Variants in WFDC6 observed in about 807,000 individuals in gnomAD.
The protein encoded by WFDC6 is WAP four-disulfide core domain protein 6.
A neutral mutation model predicts 8.2 loss-of-function variants in WFDC6; 10 were observed. The ratio of observed to expected loss-of-function variants is 1.22; its 90% CI spans 0.75 to 2.07. The LOEUF (loss-of-function observed/expected upper bound fraction) is 2.07, where lower values mean the gene tolerates loss of function less well. WFDC6 is among the 30% of genes most tolerant of loss of function. The pLI is 0.00. For missense variants in WFDC6, 105 were observed against 104.9 expected (o/e 1.00, Z 0.00); for synonymous variants, 28 against 37.0 (o/e 0.76, Z 0.88).
intron 2 of WFDC6, chr20:45,535,404 G>A: frequency 8.2e-7 from 1 of 1,212,754 alleles, no homozygotes. Context: ...CCCTTCTCTG[G>A]CCACCATTCC....
intron 2 of WFDC6, chr20:45,535,396 CTTCTCTG>C: frequency 2.5e-6 from 3 of 1,221,254 alleles, no homozygotes; most frequent in Admixed American, 6.3e-5. Flanking sequence ...CATCTCTCCC[CTTCTCTG>C]GCCACCATTC....
Position 45,539,397 on chromosome 20 carries a change from G to A in WFDC6, c.11C>T (p.Ser4Leu). The A allele has an allele frequency of 1.9e-6, 3 of 1,613,798 alleles. No homozygotes were observed. Among genetic ancestry groups the A allele is most frequent in the Non-Finnish European group, 2.5e-6 (3 of 1,179,790 alleles). The change falls in exon 1 of 3, where the codon TCA becomes TTA. Residue 4 changes from serine (S) to leucine (L), a missense_variant. Ser to Leu is a moderately radical substitution (Grantham distance 145). Transcript: ENST00000372670. MGL[S>L]GLLPILVPFI... ...TGGTACCAGGATTGGCAGAAGTCCT[G>A]AGAGTCCCATTTTAGGAAGTACTGG...
chr20:45,539,416 G>T lies in WFDC6; in HGVS notation c.-9C>A. 6.2e-7 allele frequency: 1 copy of T among 1,613,130 alleles called. No individual in the cohort carries two copies. On this transcript the variant is annotated 5_prime_UTR_variant, in exon 1 of 3. Transcript: ENST00000372670. The stretch of plus-strand genomic sequence containing the variant: ...AGTCCTGAGAGTCCCATTTTAGGAA[G>T]TACTGGCCTGGTTGATGGCACCAAA...
chr20:45,537,031 T>G (rs1181060953), intron 2 of WFDC6: 3 of 161,658 alleles, frequency 1.9e-5, no homozygotes, highest in African/African-American at 7.2e-5. Flanking sequence ...CTAGTTATTG[T>G]CTTGAAAGGT....
chr20:45,538,362 G>A (rs547368426), intron 1 of WFDC6, among the ~76,000 whole-genome samples: 22 of 152,272 alleles, frequency 1.4e-4, no homozygotes, highest in African/African-American at 5.3e-4. Context: ...ATTCCTCTAA[G>A]ACTGTTCTGG....
chr20:45,535,958 C>T (rs1979348085), intron 2 of WFDC6, among the ~76,000 whole-genome samples: 1 of 152,226 alleles, frequency 6.6e-6, no homozygotes. Flanking sequence ...ACATGCCTGA[C>T]ATATCCAGCC....
At chr20:45,537,596 T>C (rs1331206037) in intron 2 of WFDC6, 7 of 1,525,650 alleles carry the variant, frequency 4.6e-6, no homozygotes, top group Middle Eastern at 1.7e-4. Flanking sequence ...CTGTCTCTTA[T>C]AGCTATCATA....
intron 2 of WFDC6, chr20:45,535,244 G>C (rs1194429337): frequency 4.6e-6 from 6 of 1,304,118 alleles, no homozygotes; most frequent in African/African-American, 1.5e-5. Context: ...GATGAATTCG[G>C]AGCAGATCTT....
At chr20:45,534,811 G>C (rs1979302448) in intron 2 of WFDC6, among the ~76,000 whole-genome samples, 2 of 152,226 alleles carry the variant, frequency 1.3e-5, no homozygotes, top group African/African-American at 4.8e-5. Flanking sequence ...TTCAAAGGAA[G>C]AGAAGTAGCA....
chr20:45,537,181 CTT>C (rs372101819), intron 2 of WFDC6: 6 of 274,518 alleles, frequency 2.2e-5, no homozygotes, highest in African/African-American at 1.3e-4. Context: ...TTTCTTGTCT[CTT>C]GCTCACTCTC....
At chr20:45,536,556 C>A (rs1399706039) in intron 2 of WFDC6, among the ~76,000 whole-genome samples, 2 of 152,148 alleles carry the variant, frequency 1.3e-5, no homozygotes, top group Non-Finnish European at 2.9e-5. Flanking sequence ...TTCTTGAGGC[C>A]ACACAGATGG....
intron 2 of WFDC6, chr20:45,537,687 A>C: frequency 5.2e-6 from 6 of 1,145,032 alleles, no homozygotes; most frequent in East Asian, 5.1e-5. Context: ...TAGCCAAGAG[A>C]CCATGTGGTC....
At chr20:45,539,108 C>T (rs1979485274) in intron 1 of WFDC6, among the ~76,000 whole-genome samples, 1 of 152,086 alleles carries the variant, frequency 6.6e-6, no homozygotes, top group Non-Finnish European at 1.5e-5. Flanking sequence ...TTTGGAATGG[C>T]AGCAAGGAGT....
chr20:45,535,361 G>C, intron 2 of WFDC6: 1 of 1,273,686 alleles, frequency 7.9e-7, no homozygotes, highest in Non-Finnish European at 1.0e-6. Flanking sequence ...GAGCTGTTTG[G>C]GTGCCTGTCT....
intron 1 of WFDC6, among the ~76,000 whole-genome samples, chr20:45,538,871 C>G (rs1465187133): frequency 6.6e-6 from 1 of 152,166 alleles, no homozygotes; most frequent in Non-Finnish European, 1.5e-5. Flanking sequence ...AATTGTGAGT[C>G]TTCACATTTC....
chr20:45,538,154 CGAGACCA>C (rs1453391414), intron 1 of WFDC6, 60 bp from the exon 2 acceptor site: 1 of 1,610,428 alleles, frequency 6.2e-7, no homozygotes, highest in Non-Finnish European at 8.5e-7. Context: ...TCCCCCTCCC[CGAGACCA>C]GGGCACCCCT....
chr20:45,537,822 T>C, intron 2 of WFDC6, 142 bp downstream of exon 2: 4 of 1,473,068 alleles, frequency 2.7e-6, no homozygotes, highest in African/African-American at 1.4e-5. Context: ...AGTCCAGGAC[T>C]GGCAGATTTG....
At chr20:45,538,287 C>G (rs6065832) in intron 1 of WFDC6, among the ~76,000 whole-genome samples, 193 bp from the exon 2 acceptor site, 1 of 152,174 alleles carries the variant, frequency 6.6e-6, no homozygotes, top group South Asian at 2.1e-4. Flanking sequence ...AACTCACCAT[C>G]GGATGCCTAA....
intron 2 of WFDC6, chr20:45,537,590 C>T (rs1979414852): frequency 6.5e-7 from 1 of 1,533,286 alleles, no homozygotes; most frequent in Admixed American, 2.0e-5. Context: ...ATATACCTGT[C>T]TCTTATAGCT....
Sources: gnomAD v4.1 joint callset for allele counts (sites outside exome capture counted in the v4.1 genomes callset) on GRCh38, gnomAD v4.1.1 for gene constraint, MANE v1.5 for transcripts, NCBI Gene and HGNC (gene_info 2026-07-23, HGNC 2026-07-21) for gene names.